Variants in DAB1 observed in about 807,000 individuals in gnomAD.
DAB1 encodes the protein DAB adaptor protein 1.
DAB1 carries 15 observed loss-of-function variants against 64.6 expected under a neutral mutation model. That is an observed-to-expected ratio of 0.23 (90% CI 0.16 to 0.36). The LOEUF is 0.36. DAB1 is among the 10% of genes least tolerant of loss of function. The pLI, the probability that DAB1 is intolerant of heterozygous loss-of-function variation, is 1.00. For synonymous variants in DAB1, 235 were observed against 251.9 expected (o/e 0.93, Z 0.64); for missense variants, 596 against 706.7 (o/e 0.84, Z 1.78).
intron 3 of DAB1, among the ~76,000 whole-genome samples, chr1:58,458,170 T>C (rs375042059): frequency 4.9e-4 from 74 of 152,320 alleles, no homozygotes; most frequent in African/African-American, 1.6e-3. Context: ...AATTAAAAAT[T>C]CAGTTTCTCA....
chr1:58,372,277 T>G (rs540271012), intron 3 of DAB1, among the ~76,000 whole-genome samples: 10 of 152,352 alleles, frequency 6.6e-5, no homozygotes, highest in Admixed American at 5.9e-4. Flanking sequence ...AAGAAGATTT[T>G]GGGGCTTTAA....
chr1:57,045,999 T>G (rs1412208234), intron 9 of DAB1, among the ~76,000 whole-genome samples: 1 of 152,178 alleles, frequency 6.6e-6, no homozygotes, highest in Non-Finnish European at 1.5e-5. Context: ...TCTATTTCCC[T>G]CTCCTTAGCA....
rs189763802 is a variant in DAB1, at chr1:57,643,457, T to C, written n.625+6135A>G. ...TAGATTGTTCTATCATGTCTATTTT[T>C]GCATTTGCTTTTATGTTAGTTATTA... is the stretch of plus-strand genomic sequence containing the variant. On this transcript the variant is annotated intron_variant and non_coding_transcript_variant, in intron 7 of 20. Coordinates refer to the DAB1 transcript ENST00000485760. 8.2e-4 allele frequency among the ~76,000 whole-genome samples: 125 copies of C among 152,362 alleles called. 1 individual carries two copies. Among genetic ancestry groups the C allele is most frequent in the African/African-American group, 2.7e-3 (114 of 41,584 alleles).
At chr1:57,231,969 T>C (rs531240736) in intron 2 of DAB1, among the ~76,000 whole-genome samples, 1 of 152,350 alleles carries the variant, frequency 6.6e-6, no homozygotes, top group East Asian at 1.9e-4. Flanking sequence ...TTAGTGACTC[T>C]GTACTCCATT....
intron 5 of DAB1, among the ~76,000 whole-genome samples, chr1:58,058,919 C>T (rs954389678): frequency 1.3e-5 from 2 of 152,194 alleles, no homozygotes; most frequent in African/African-American, 2.4e-5. Context: ...AAAAGGAAGG[C>T]TCCATGGTAC....
intron 3 of DAB1, among the ~76,000 whole-genome samples, chr1:58,500,590 G>A (rs1370750865): frequency 6.6e-6 from 1 of 152,116 alleles, no homozygotes; most frequent in Non-Finnish European, 1.5e-5. Flanking sequence ...AAGTGAATTT[G>A]ATAAAGATTT....
chr1:57,671,920 G>A (rs1415973069), intron 6 of DAB1, among the ~76,000 whole-genome samples: 2 of 151,986 alleles, frequency 1.3e-5, no homozygotes, highest in Non-Finnish European at 2.9e-5. Context: ...TTATAAGCAG[G>A]AAATAGGTAT....
chr1:58,208,752 C>T (rs1658408698), intron 4 of DAB1, among the ~76,000 whole-genome samples: 1 of 152,162 alleles, frequency 6.6e-6, no homozygotes, highest in Non-Finnish European at 1.5e-5. Flanking sequence ...TACAAACGTG[C>T]ATGTGCAGGC....
intron 4 of DAB1, among the ~76,000 whole-genome samples, chr1:57,091,631 CA>C: frequency 2.0e-5 from 3 of 152,254 alleles, no homozygotes; most frequent in East Asian, 3.9e-4. Context: ...AGGTTAAGAA[CA>C]TGGACACTGG....
In DAB1 at chr1:57,546,066, A is replaced by AGTGTGTGT. The variant is rs61208960; in HGVS notation, n.625+103518_625+103525dup. ...TAAAGCTAAGAGCTGAGCAGAGGGG[A>AGTGTGTGT]GTGTGTGTGTGTGTGTGTGTGTGTG... is the stretch of plus-strand genomic sequence containing the variant. On this transcript the variant is annotated intron_variant and non_coding_transcript_variant, in intron 7 of 20. Coordinates refer to the DAB1 transcript ENST00000485760. Among the ~76,000 whole-genome samples, 407 of 147,468 alleles carry AGTGTGTGT rather than the reference A, an allele frequency of 2.8e-3. 2 individuals carry two copies. The highest frequency in any genetic ancestry group is 9.7e-3 in the African/African-American group (384 of 39,468).
chr1:57,438,741 A>T (rs1685792955), intron 7 of DAB1, among the ~76,000 whole-genome samples: 1 of 151,962 alleles, frequency 6.6e-6, no homozygotes, highest in Admixed American at 6.5e-5. Context: ...TTTTCACATG[A>T]TGTATATGAT....
At chr1:57,875,168 G>T (rs1644022143) in intron 1 of DAB1, 1 of 152,100 alleles carries the variant, frequency 6.6e-6, no homozygotes, top group African/African-American at 2.4e-5. Flanking sequence ...AGGCCCCCTG[G>T]GTCCGCTCTG....
At chr1:57,682,430 A>G (rs1336105692) in intron 6 of DAB1, among the ~76,000 whole-genome samples, 6 of 150,356 alleles carry the variant, frequency 4.0e-5, no homozygotes, top group Non-Finnish European at 1.5e-5. Flanking sequence ...CAGAGAACAA[A>G]TTATGGAATA....
chr1:57,073,798 A>G (rs866955942), intron 4 of DAB1, among the ~76,000 whole-genome samples: 40 of 152,216 alleles, frequency 2.6e-4, no homozygotes, highest in Non-Finnish European at 1.5e-4. Flanking sequence ...AAATCTCAAA[A>G]AACTAAACAG....
intron 4 of DAB1, among the ~76,000 whole-genome samples, chr1:58,176,131 T>C (rs1367516097): frequency 1.3e-5 from 2 of 152,196 alleles, no homozygotes; most frequent in African/African-American, 2.4e-5. Flanking sequence ...CTGATGTTCT[T>C]AACCCTGTAG....
intron 1 of DAB1, among the ~76,000 whole-genome samples, chr1:57,358,939 C>T (rs1679337151): frequency 6.6e-6 from 1 of 151,908 alleles, no homozygotes; most frequent in African/African-American, 2.4e-5. Flanking sequence ...TACTTCTCAC[C>T]ATATACAAAA....
chr1:57,984,235 AGAAAG>A (rs1451540697), intron 5 of DAB1, among the ~76,000 whole-genome samples: 1 of 150,622 alleles, frequency 6.6e-6, no homozygotes, highest in African/African-American at 2.5e-5. Flanking sequence ...AAAGAAAGAA[AGAAAG>A]AAAGAAAGAA....
intron 7 of DAB1, among the ~76,000 whole-genome samples, chr1:57,502,005 C>G (rs972370968): frequency 1.3e-5 from 2 of 151,966 alleles, no homozygotes; most frequent in African/African-American, 4.8e-5. Context: ...TCCGCAGTAC[C>G]GGAGAGGACT....
chr1:57,216,505 T>C (rs1666438174), intron 2 of DAB1, among the ~76,000 whole-genome samples: 2 of 152,176 alleles, frequency 1.3e-5, no homozygotes, highest in African/African-American at 4.8e-5. Context: ...AGTTTCCCTA[T>C]AAGTAAAACT....
Sources: gnomAD v4.1 joint callset for allele counts (sites outside exome capture counted in the v4.1 genomes callset) on GRCh38, gnomAD v4.1.1 for gene constraint, MANE v1.5 for transcripts, NCBI Gene and HGNC (gene_info 2026-07-23, HGNC 2026-07-21) for gene names.